CCSER1: variants seen among roughly 807,000 people sequenced by gnomAD.
The protein encoded by CCSER1 is serine-rich coiled-coil domain-containing protein 1.
A neutral mutation model predicts 82.0 loss-of-function variants in CCSER1; 41 were observed. The ratio of observed to expected loss-of-function variants is 0.50; its 90% confidence interval spans 0.39 to 0.65. CCSER1 has a LOEUF of 0.65. Among genes scored for constraint, CCSER1 ranks in the 30% least tolerant of loss-of-function variants. The pLI is 0.00. For synonymous variants in CCSER1, 414 were observed against 383.9 expected (o/e 1.08, Z -0.92); for missense variants, 1,119 against 1,064.2 (o/e 1.05, Z -0.72).
chr4:91,101,598 G>A (rs1470770534), intron 10 of CCSER1, among the ~76,000 whole-genome samples: 1 of 149,326 alleles, frequency 6.7e-6, no homozygotes, highest in Non-Finnish European at 1.5e-5. Context: ...TCGTGCCACT[G>A]CACTCCAGCC....
At chr4:90,138,074 A>G (rs190292949) in intron 1 of CCSER1, among the ~76,000 whole-genome samples, 34 of 152,248 alleles carry the variant, frequency 2.2e-4, no homozygotes, top group Non-Finnish European at 3.7e-4. Flanking sequence ...CAGGGTTTTT[A>G]TTTTATTTTA....
chr4:91,413,969 G>T (rs1753212198), intron 10 of CCSER1, among the ~76,000 whole-genome samples: 1 of 152,150 alleles, frequency 6.6e-6, no homozygotes, highest in Non-Finnish European at 1.5e-5. Context: ...GTGAAGAAAA[G>T]ATAAAGACAT....
At chr4:90,240,314 A>G (rs560429862) in intron 1 of CCSER1, among the ~76,000 whole-genome samples, 1 of 152,324 alleles carries the variant, frequency 6.6e-6, no homozygotes, top group South Asian at 2.1e-4. Context: ...CCATAGCCCT[A>G]CAGAGGGAAT....
intron 9 of CCSER1, among the ~76,000 whole-genome samples, chr4:90,959,745 T>TTC (rs1733879509): frequency 6.6e-6 from 1 of 151,598 alleles, no homozygotes; most frequent in Non-Finnish European, 1.5e-5. Flanking sequence ...GTTTTCTTTT[T>TTC]TTTTTTTTCG....
intron 9 of CCSER1, among the ~76,000 whole-genome samples, chr4:90,936,534 A>T (rs1730955933): frequency 6.6e-6 from 1 of 152,116 alleles, no homozygotes; most frequent in Admixed American, 6.6e-5. Flanking sequence ...TGGAAAGAGA[A>T]ATGTTAGTAT....
chr4:91,272,926 G>T (rs368213470), intron 10 of CCSER1, among the ~76,000 whole-genome samples: 2 of 151,988 alleles, frequency 1.3e-5, no homozygotes. Context: ...TTTATTTCTG[G>T]GTTCTCTATT....
chr4:90,840,938 G>C (rs1057131141), intron 8 of CCSER1, among the ~76,000 whole-genome samples: 1 of 152,162 alleles, frequency 6.6e-6, no homozygotes, highest in Non-Finnish European at 1.5e-5. Flanking sequence ...ACAGTATCAT[G>C]TATTGCATAA....
chr4:91,602,648 C>CTT lies in CCSER1; in HGVS notation c.*3592_*3593dup, dbSNP rs1764854408. Among the ~76,000 whole-genome samples, 2 of 151,770 alleles carry CTT rather than the reference C, an allele frequency of 1.3e-5. No individual in the cohort carries two copies. The highest frequency in any genetic ancestry group is 4.8e-5 in the African/African-American group (2 of 41,240). Reference sequence around the variant, plus strand: ...TTTTACTACTTTTTCACTTTCAGAACTTAACATTCTAAACAGCTATAGAAG... The same window carrying CTT: ...TTTTACTACTTTTTCACTTTCAGAACTTTTAACATTCTAAACAGCTATAGAAG... On this transcript the variant is annotated 3_prime_UTR_variant, in exon 11 of 11. Coordinates refer to ENST00000509176, the MANE Select transcript of CCSER1 (RefSeq NM_001145065.2).
chr4:91,555,790 A>G (rs573043632), intron 10 of CCSER1, among the ~76,000 whole-genome samples: 1 of 151,340 alleles, frequency 6.6e-6, no homozygotes, highest in African/African-American at 2.4e-5. Context: ...TTTGGAGTAC[A>G]GTAAAATAAC....
intron 8 of CCSER1, among the ~76,000 whole-genome samples, chr4:90,816,046 T>C (rs1331761724): frequency 6.6e-6 from 1 of 152,188 alleles, no homozygotes; most frequent in African/African-American, 2.4e-5. Flanking sequence ...TTTTATAATA[T>C]ATGTGGAAAT....
intron 1 of CCSER1, among the ~76,000 whole-genome samples, chr4:90,305,083 A>AT (rs1197221572): frequency 2.6e-5 from 4 of 151,810 alleles, no homozygotes; most frequent in Non-Finnish European, 4.4e-5. Context: ...TGCCTGGATA[A>AT]TTTTTTGTAT....
chr4:91,497,552 A>C (rs1328170094), intron 10 of CCSER1, among the ~76,000 whole-genome samples: 1 of 151,852 alleles, frequency 6.6e-6, no homozygotes, highest in Non-Finnish European at 1.5e-5. Context: ...TGAAATGATA[A>C]CTATGGCTTT....
intron 10 of CCSER1, among the ~76,000 whole-genome samples, chr4:91,485,101 T>G (rs1758145306): frequency 6.6e-6 from 1 of 152,146 alleles, no homozygotes; most frequent in South Asian, 2.1e-4. Context: ...CTTGGATTCA[T>G]TTCCTACTAC....
chr4:90,823,304 C>G (rs928157042), intron 8 of CCSER1, among the ~76,000 whole-genome samples: 4 of 151,866 alleles, frequency 2.6e-5, no homozygotes, highest in Non-Finnish European at 5.9e-5. Flanking sequence ...ATTACCTGTC[C>G]TTTAATAAAC....
chr4:90,534,437 C>G (rs1241447469), intron 5 of CCSER1, among the ~76,000 whole-genome samples: 1 of 129,028 alleles, frequency 7.8e-6, no homozygotes, highest in Non-Finnish European at 1.6e-5. Context: ...GCTGTGCCAG[C>G]CTTTTGTGTG....
At chr4:91,097,926 C>T (rs1472356856) in intron 10 of CCSER1, among the ~76,000 whole-genome samples, 1 of 152,194 alleles carries the variant, frequency 6.6e-6, no homozygotes, top group African/African-American at 2.4e-5. Context: ...CTAACTTTCT[C>T]TGCTGGATTA....
At chr4:91,282,115 A>G (rs1353924334) in intron 10 of CCSER1, among the ~76,000 whole-genome samples, 1 of 152,186 alleles carries the variant, frequency 6.6e-6, no homozygotes, top group East Asian at 1.9e-4. Flanking sequence ...TAAAAAAATC[A>G]GCCTTGTATA....
intron 10 of CCSER1, among the ~76,000 whole-genome samples, chr4:91,580,255 T>C (rs1344813783): frequency 6.6e-6 from 1 of 151,832 alleles, no homozygotes; most frequent in Non-Finnish European, 1.5e-5. Flanking sequence ...ACATATTAGA[T>C]ATCCTTATTT....
chr4:91,416,527 T>G (rs551874541), intron 10 of CCSER1, among the ~76,000 whole-genome samples: 3 of 151,752 alleles, frequency 2.0e-5, no homozygotes, highest in Non-Finnish European at 4.4e-5. Context: ...TGTAACAGAA[T>G]AGAGAAAACA....
Sources: gnomAD v4.1 joint callset for allele counts (sites outside exome capture counted in the v4.1 genomes callset) on GRCh38, gnomAD v4.1.1 for gene constraint, MANE v1.5 for transcripts, NCBI Gene and HGNC (gene_info 2026-07-23, HGNC 2026-07-21) for gene names.